Variants in MRPS28 observed in about 807,000 individuals in gnomAD.
MRPS28 encodes small ribosomal subunit protein bS1m.
A neutral mutation model predicts 10.8 loss-of-function variants in MRPS28; 7 were observed. The ratio of observed to expected loss-of-function variants is 0.65; its 90% confidence interval spans 0.37 to 1.22. MRPS28 has a LOEUF of 1.22. MRPS28 is among the 50% of genes most tolerant of loss of function. The pLI, the probability that MRPS28 is intolerant of heterozygous loss-of-function variation, is 0.02. For synonymous variants in MRPS28, 121 were observed against 93.3 expected, an observed-to-expected ratio of 1.30 and a Z score of -1.71; for missense variants, 265 against 232.9, an observed-to-expected ratio of 1.14 and a Z score of -0.90.
intron 2 of MRPS28, among the ~76,000 whole-genome samples, chr8:79,953,161 C>G (rs1377440289): frequency 1.3e-5 from 2 of 152,190 alleles, no homozygotes; most frequent in East Asian, 3.8e-4. Flanking sequence ...GCTGCTTGAG[C>G]TCAGCAGGCT....
chr8:79,983,971 G>A (rs1294255181), intron 2 of MRPS28, among the ~76,000 whole-genome samples: 3 of 152,122 alleles, frequency 2.0e-5, no homozygotes, highest in East Asian at 3.8e-4. Flanking sequence ...ACACATAATT[G>A]TCAGATTCAC....
In MRPS28 at chr8:79,974,328, C is replaced by G. The variant is rs543382291; in HGVS notation, c.395+28671G>C. ...GGCCGAGGTGGATGGATCACGAGGT[C>G]AGGAGATCAAGACCATCCTGGCTAA... is the stretch of plus-strand genomic sequence containing the variant. On this transcript the variant is annotated intron_variant, in intron 2 of 2. Coordinates refer to ENST00000276585, the MANE Select transcript of MRPS28 (RefSeq NM_014018.3). Among the ~76,000 whole-genome samples the G allele has an allele frequency of 8.5e-5, 13 of 152,132 alleles. No individual in the cohort carries two copies. In the East Asian group the frequency reaches 2.5e-3, roughly 29 times the overall value.
At chr8:79,975,618 TTAAA>T (rs1435108415) in intron 2 of MRPS28, among the ~76,000 whole-genome samples, 1 of 152,122 alleles carries the variant, frequency 6.6e-6, no homozygotes, top group East Asian at 1.9e-4. Context: ...CATTTAAGAA[TTAAA>T]TAAACGGCCA....
intron 2 of MRPS28, among the ~76,000 whole-genome samples, chr8:79,973,283 A>AGT (rs747697374): frequency 5.9e-5 from 9 of 151,844 alleles, no homozygotes; most frequent in Non-Finnish European, 1.2e-4. Context: ...AGAGAGAGAG[A>AGT]GTGTGTGTGT....
rs1431869555 is a variant in MRPS28, at chr8:79,918,830, T to C, written c.*150A>G. The C allele has an allele frequency of 3.8e-5, 18 of 477,170 alleles. No homozygotes were observed. The highest frequency in any genetic ancestry group is 2.1e-4 in the East Asian group (5 of 23,740). 29.6% of individuals were successfully genotyped at this position (477,170 alleles called of 1,614,324 possible). ...AAACAAGGGGTGGGGGGTGGGAATA[T>C]TGCTAAAGAAAATTCTAATAAGAGT... On this transcript the variant is annotated 3_prime_UTR_variant, in exon 3 of 3. Coordinates refer to ENST00000276585, the MANE Select transcript of MRPS28 (RefSeq NM_014018.3).
chr8:79,971,541 G>A (rs1227942322), intron 2 of MRPS28, among the ~76,000 whole-genome samples: 3 of 151,842 alleles, frequency 2.0e-5, no homozygotes. Flanking sequence ...CCATCCCTAG[G>A]TCACCACTAA....
intron 2 of MRPS28, among the ~76,000 whole-genome samples, chr8:79,974,767 C>T (rs1297654133): frequency 6.6e-6 from 1 of 151,858 alleles, no homozygotes; most frequent in Non-Finnish European, 1.5e-5. Flanking sequence ...ACTTCAGATA[C>T]GGGCAGGCAA....
intron 2 of MRPS28, among the ~76,000 whole-genome samples, chr8:79,931,755 G>A (rs1806468140): frequency 6.6e-6 from 1 of 152,238 alleles, no homozygotes. Flanking sequence ...AAGGTTTACT[G>A]GAGCTGACTA....
At chr8:80,019,465 T>C (rs1809297510) in intron 1 of MRPS28, among the ~76,000 whole-genome samples, 1 of 151,686 alleles carries the variant, frequency 6.6e-6, no homozygotes, top group African/African-American at 2.4e-5. Flanking sequence ...TTCATAATAG[T>C]AACTCTCAGA....
chr8:79,929,298 T>C (rs1471091130), intron 2 of MRPS28, among the ~76,000 whole-genome samples: 1 of 152,194 alleles, frequency 6.6e-6, no homozygotes, highest in Non-Finnish European at 1.5e-5. Flanking sequence ...TAGGCTGAAT[T>C]AGAAGTATAT....
chr8:80,014,602 A>C (rs573837547), intron 1 of MRPS28, among the ~76,000 whole-genome samples: 1 of 152,340 alleles, frequency 6.6e-6, no homozygotes, highest in Admixed American at 6.5e-5. Flanking sequence ...CTCATCTTAT[A>C]AAATGGTGTT....
chr8:79,956,181 T>C (rs1051557347), intron 2 of MRPS28, among the ~76,000 whole-genome samples: 2 of 152,136 alleles, frequency 1.3e-5, no homozygotes, highest in African/African-American at 4.8e-5. Flanking sequence ...GTATTACATT[T>C]TGTTGCTGCT....
At chr8:79,941,245 G>T (rs1806758726) in intron 2 of MRPS28, among the ~76,000 whole-genome samples, 2 of 152,156 alleles carry the variant, frequency 1.3e-5, no homozygotes, top group African/African-American at 4.8e-5. Context: ...TCATTTGAAA[G>T]GATATATGAA....
At chr8:79,990,860 G>A (rs545836253) in intron 2 of MRPS28, among the ~76,000 whole-genome samples, 23 of 151,742 alleles carry the variant, frequency 1.5e-4, no homozygotes, top group East Asian at 3.9e-4. Context: ...TGGGCATGGC[G>A]CGCGCCTGTA....
intron 2 of MRPS28, among the ~76,000 whole-genome samples, chr8:79,921,394 T>C (rs919373597): frequency 6.6e-6 from 1 of 152,176 alleles, no homozygotes; most frequent in African/African-American, 2.4e-5. Flanking sequence ...ATGGCCATTT[T>C]CACCATATTG....
In MRPS28 at chr8:80,030,172, A is replaced by C. The variant is rs756537547; in HGVS notation, c.77T>G (p.Phe26Cys). 7 of 1,613,830 alleles carry C rather than the reference A, an allele frequency of 4.3e-6. No homozygotes were observed. Among genetic ancestry groups the C allele is most frequent in the Non-Finnish European group, 5.1e-6 (6 of 1,180,044 alleles). Residue 26 changes from phenylalanine to cysteine, a missense_variant, in exon 1 of 3, where the codon TTT becomes TGT. Physicochemically the swap from Phe to Cys is radical, Grantham distance 205. Transcript: ENST00000276585. ...TCCACTCTCAGTGCCTACACCCCGAAAGGGCCTGAAGAAGAGAAACACTCG... is the reference window on the plus strand; with the variant it reads ...TCCACTCTCAGTGCCTACACCCCGACAGGGCCTGAAGAAGAGAAACACTCG... The part of the protein sequence containing the change: ...FLRVFLFFRP[F>C]RGVGTESGSE...
intron 2 of MRPS28, among the ~76,000 whole-genome samples, chr8:79,935,353 TTTCTTC>T (rs951076034): frequency 6.6e-6 from 1 of 152,170 alleles, no homozygotes; most frequent in African/African-American, 2.4e-5. Flanking sequence ...TTTTCCTTTC[TTTCTTC>T]TTCTTCTTTT....
chr8:80,015,150 G>A (rs1470146057), intron 1 of MRPS28, among the ~76,000 whole-genome samples: 3 of 152,294 alleles, frequency 2.0e-5, no homozygotes, highest in Middle Eastern at 3.4e-3. Context: ...AACTCCAGGA[G>A]CTCAACCTGG....
intron 2 of MRPS28, among the ~76,000 whole-genome samples, chr8:79,934,481 T>C (rs1253892281): frequency 6.6e-6 from 1 of 152,292 alleles, no homozygotes; most frequent in East Asian, 1.9e-4. Flanking sequence ...CTAAAAAACA[T>C]TCAATTTCAA....
Sources: allele counts gnomAD v4.1 joint callset (sites outside exome capture counted in the v4.1 genomes callset), GRCh38; gene constraint gnomAD v4.1.1; transcripts MANE v1.5; gene names NCBI Gene and HGNC (gene_info 2026-07-23, HGNC 2026-07-21).